NAA35: variants seen among roughly 807,000 people sequenced by gnomAD.
NAA35 encodes the protein N-alpha-acetyltransferase 35, NatC auxiliary subunit, also known as MAK10 homolog, amino-acid N-acetyltransferase subunit.
In NAA35, 18 loss-of-function variants were observed where a neutral mutation model predicts 101.7. That is an observed-to-expected ratio of 0.18 (90% CI 0.12 to 0.26). The LOEUF (loss-of-function observed/expected upper bound fraction) is 0.26. Among genes scored for constraint, NAA35 ranks in the 10% least tolerant of loss-of-function variants. NAA35 has a pLI of 1.00. For synonymous variants in NAA35, 267 were observed against 273.1 expected, an observed-to-expected ratio of 0.98 and a Z score of 0.22; for missense variants, 601 against 886.8, an observed-to-expected ratio of 0.68 and a Z score of 4.09.
At chr9:85,997,838 T>C (rs1831234128) in intron 12 of NAA35, among the ~76,000 whole-genome samples, 1 of 152,162 alleles carries the variant, frequency 6.6e-6, no homozygotes, top group African/African-American at 2.4e-5. Flanking sequence ...TCAAAACATA[T>C]AAATGTGTAT....
chr9:86,016,774 T>C lies in NAA35; in HGVS notation c.1705+99T>C, dbSNP rs917442042. On this transcript the variant is annotated intron_variant, in intron 18 of 22. Transcript: ENST00000361671. ...TCGTGAGTTGGTCATTATATTTTAG[T>C]TCTTGTTCCTCTTTTCAGAAACTAT... The C allele has an allele frequency of 2.4e-6, 3 of 1,225,194 alleles. No homozygotes were observed. The African/African-American group carries it at 4.5e-5, about 19-fold the overall frequency. The allele number at this position is 1,225,194 out of a possible 1,614,324, so 75.9% of individuals were successfully genotyped here.
intron 15 of NAA35, among the ~76,000 whole-genome samples, chr9:86,012,708 C>A (rs1046571605): frequency 2.0e-5 from 3 of 152,128 alleles, no homozygotes; most frequent in Non-Finnish European, 2.9e-5. Context: ...ATATTTATAG[C>A]AGCACAGGAA....
chr9:85,959,269 C>T (rs1021145398), intron 4 of NAA35, among the ~76,000 whole-genome samples: 14 of 151,102 alleles, frequency 9.3e-5, no homozygotes, highest in Middle Eastern at 3.4e-3. Flanking sequence ...CCAGCTAATC[C>T]GGAGGCTGAG....
At position 85,941,158 on chromosome 9, in the gene NAA35, G is replaced by T; in HGVS notation, c.-121G>T. On this transcript the variant is annotated 5_prime_UTR_variant, in exon 1 of 23. Coordinates refer to ENST00000361671, the MANE Select transcript of NAA35 (RefSeq NM_024635.4). ...GCGCGTCCCGGGCATACGCATGCGT[G>T]CACGCTGCCGGTCGGGCTGGGCTGA... 1 of 986,010 alleles carries T rather than the reference G, an allele frequency of 1.0e-6. No homozygotes were observed. The highest frequency in any genetic ancestry group is 5.2e-4 in the Middle Eastern group (1 of 1,914). The allele number at this position is 986,010 out of a possible 1,614,324, so 61.1% of individuals were successfully genotyped here.
At chr9:85,955,216 C>T (rs1030697729) in intron 2 of NAA35, among the ~76,000 whole-genome samples, 2 of 151,316 alleles carry the variant, frequency 1.3e-5, no homozygotes, top group African/African-American at 4.9e-5. Flanking sequence ...GTTTCAGTAC[C>T]TGGAACTGTT....
intron 16 of NAA35, 120 bp from the exon 17 acceptor site, chr9:86,013,599 T>C (rs1033599959): frequency 6.9e-5 from 62 of 894,822 alleles, no homozygotes; most frequent in Non-Finnish European, 1.0e-4. Flanking sequence ...AAAATGTTTC[T>C]TTGGGTGGTC....
Position 86,021,894 on chromosome 9 carries a change from T to C in NAA35, c.2119-7T>C, listed in dbSNP as rs1458908191. The C allele has an allele frequency of 6.2e-7, 1 of 1,610,944 alleles. No homozygotes were observed. Among genetic ancestry groups the C allele is most frequent in the Non-Finnish European group, 8.5e-7 (1 of 1,177,750 alleles). ...TACATTAATTGAGTTTCGTTTTTCT[T>C]TAACAGGTTCCTCCTGAATTTGATT... On this transcript the variant is annotated splice_polypyrimidine_tract_variant and splice_region_variant and intron_variant, in intron 22 of 22. Coordinates refer to ENST00000361671, the MANE Select transcript of NAA35 (RefSeq NM_024635.4).
At chr9:86,008,662 A>G (rs962905085) in intron 14 of NAA35, among the ~76,000 whole-genome samples, 3 of 152,242 alleles carry the variant, frequency 2.0e-5, no homozygotes, top group Admixed American at 6.5e-5. Context: ...TATGGAACAT[A>G]AATACCACAA....
intron 15 of NAA35, among the ~76,000 whole-genome samples, chr9:86,012,170 A>G (rs1193783330): frequency 6.7e-6 from 1 of 148,696 alleles, no homozygotes; most frequent in African/African-American, 2.5e-5. Context: ...CCCAGGCTGG[A>G]GTGCAGTGGT....
At chr9:86,005,111 A>G (rs1461779741) in intron 13 of NAA35, among the ~76,000 whole-genome samples, 1 of 152,228 alleles carries the variant, frequency 6.6e-6, no homozygotes, top group Non-Finnish European at 1.5e-5. Flanking sequence ...AATCTTCAAT[A>G]AATTATTAAT....
intron 5 of NAA35, 42 bp downstream of exon 5, chr9:85,959,909 G>A (rs1300154091): frequency 3.6e-6 from 5 of 1,405,596 alleles, no homozygotes. Context: ...TTAAAACTGT[G>A]ACTTACCTGA....
rs568988486 is a variant in NAA35, at chr9:86,025,006, A to C, written c.*3046A>C. On this transcript the variant is annotated 3_prime_UTR_variant, in exon 23 of 23. Transcript: ENST00000361671. ...GTGGTGGGACAGGCTGCAGGGAAGA[A>C]TACCTCAAAATCATACGAGGCCACT... 5.5e-4 allele frequency among the ~76,000 whole-genome samples: 84 copies of C among 152,292 alleles called. No homozygotes were observed. Among genetic ancestry groups the C allele is most frequent in the Non-Finnish European group, 9.8e-4 (67 of 68,026 alleles).
In NAA35 at chr9:85,942,182, A is replaced by G; in HGVS notation, c.23A>G (p.Asp8Gly). Residue 8 changes from aspartate to glycine, a missense_variant, in exon 2 of 23, where the codon GAT (aspartate) becomes GGT (glycine). Transcript: ENST00000361671. Reference protein sequence around the residue: MVMKASVDDDDSGWELSM... With the variant: MVMKASVGDDDSGWELSM... Reference sequence around the variant, plus strand: ...ATAATGGTTATGAAAGCTTCTGTAGATGATGACGATTCAGGATGGGAGCTC... The same window carrying G: ...ATAATGGTTATGAAAGCTTCTGTAGGTGATGACGATTCAGGATGGGAGCTC... 6.2e-7 allele frequency: 1 copy of G among 1,614,124 alleles called. No individual in the cohort carries two copies. The highest frequency in any genetic ancestry group is 8.5e-7 in the Non-Finnish European group (1 of 1,179,964).
chr9:85,943,384 T>C (rs1408536532), intron 2 of NAA35, among the ~76,000 whole-genome samples: 1 of 152,120 alleles, frequency 6.6e-6, no homozygotes, highest in Non-Finnish European at 1.5e-5. Context: ...AGGAATTCAC[T>C]CCTGATGGCT....
At chr9:86,014,760 G>A (rs1832119194) in intron 17 of NAA35, among the ~76,000 whole-genome samples, 1 of 152,142 alleles carries the variant, frequency 6.6e-6, no homozygotes, top group Non-Finnish European at 1.5e-5. Flanking sequence ...GACAACTCTT[G>A]CCTGTGAAAA....
chr9:85,959,936 G>T (rs895425037), intron 5 of NAA35, 69 bp downstream of exon 5: 8 of 1,132,162 alleles, frequency 7.1e-6, no homozygotes, highest in Non-Finnish European at 9.1e-6. Flanking sequence ...TGATTTAAAA[G>T]CCTATACACT....
chr9:85,976,997 C>T (rs553563893), intron 9 of NAA35, among the ~76,000 whole-genome samples: 12 of 152,166 alleles, frequency 7.9e-5, no homozygotes, highest in Admixed American at 2.0e-4. Context: ...TGCACCAGAG[C>T]GCCACAGTAT....
intron 12 of NAA35, among the ~76,000 whole-genome samples, chr9:86,001,344 AAGGTTG>A (rs1300262085): frequency 6.6e-6 from 1 of 152,042 alleles, no homozygotes; most frequent in Admixed American, 6.6e-5. Flanking sequence ...TGGTGATGAG[AAGGTTG>A]TATATTCTGT....
At chr9:85,975,277 T>G (rs927430641) in intron 8 of NAA35, 120 bp downstream of exon 8, 3 of 1,020,404 alleles carry the variant, frequency 2.9e-6, no homozygotes, top group East Asian at 2.5e-5. Flanking sequence ...ATTTTTTTTT[T>G]GTAATGAATT....
Sources: gnomAD v4.1 joint callset for allele counts (sites outside exome capture counted in the v4.1 genomes callset) on GRCh38, gnomAD v4.1.1 for gene constraint, MANE v1.5 for transcripts, NCBI Gene and HGNC (gene_info 2026-07-23, HGNC 2026-07-21) for gene names.